CDH23: variants seen among roughly 807,000 people sequenced by gnomAD.
The protein encoded by CDH23 is cadherin-23.
CDH23 carries 189 observed loss-of-function variants against 317.1 expected under a neutral mutation model. That is an observed-to-expected ratio of 0.60 (90% confidence interval 0.53 to 0.67). The LOEUF (loss-of-function observed/expected upper bound fraction) is 0.67. CDH23 is among the 30% of genes least tolerant of loss of function. CDH23 has a pLI of 0.00. For missense variants in CDH23, 4,401 were observed against 4,592.4 expected (o/e 0.96, Z 1.20); for synonymous variants, 1,839 against 1,876.8 (o/e 0.98, Z 0.52).
intron 62 of CDH23, 77 bp from the exon 63 acceptor site, chr10:71,811,238 G>A: frequency 6.2e-7 from 1 of 1,604,884 alleles, no homozygotes; most frequent in East Asian, 2.2e-5. Context: ...TTGGAGGCTT[G>A]AGGCAGGAGC....
At chr10:71,537,277 GC>G (rs1174830540) in intron 6 of CDH23, among the ~76,000 whole-genome samples, 2 of 152,162 alleles carry the variant, frequency 1.3e-5, no homozygotes, top group Admixed American at 6.5e-5. Flanking sequence ...ATGTTTCGGA[GC>G]CAAATCATAA....
At chr10:71,571,131 G>T (rs1421904052) in intron 8 of CDH23, among the ~76,000 whole-genome samples, 1 of 152,194 alleles carries the variant, frequency 6.6e-6, no homozygotes, top group African/African-American at 2.4e-5. Flanking sequence ...TACCCAAGGG[G>T]CTCTGTGTGG....
At chr10:71,673,187 G>A (rs1344355352) in intron 14 of CDH23, among the ~76,000 whole-genome samples, 1 of 152,186 alleles carries the variant, frequency 6.6e-6, no homozygotes, top group Non-Finnish European at 1.5e-5. Flanking sequence ...CACCGTCTGT[G>A]CTGTGCAGTG....
chr10:71,577,748 A>G (rs1393618662), intron 8 of CDH23, among the ~76,000 whole-genome samples, 166 bp from the exon 9 acceptor site: 1 of 152,176 alleles, frequency 6.6e-6, no homozygotes, highest in Non-Finnish European at 1.5e-5. Flanking sequence ...TGGGAACTGC[A>G]GTGTGTGCCC....
At chr10:71,716,513 T>C in intron 28 of CDH23, 2 of 556,360 alleles carry the variant, frequency 3.6e-6, no homozygotes, top group South Asian at 5.2e-5. Flanking sequence ...ATCACAAGTC[T>C]AAGTGTACAC....
In CDH23 at chr10:71,806,244, A is replaced by T; in HGVS notation, c.8141A>T (p.Asp2714Val). 1.9e-6 allele frequency: 3 copies of T among 1,572,212 alleles called. No homozygotes were observed. Among genetic ancestry groups the T allele is most frequent in the Non-Finnish European group, 2.6e-6 (3 of 1,158,844 alleles). The change falls in exon 57 of 70, where the codon GAC (aspartate) becomes GTC (valine). Residue 2714 changes from aspartate (D) to valine (V), a missense_variant. Physicochemically the swap from Asp to Val is radical, Grantham distance 152 (BLOSUM62 -3). This residue lies in a region of CDH23 where 1,144 missense variants were observed against 1,138.2 expected (regional missense o/e 1.01). Transcript: ENST00000224721. The part of the protein sequence containing the change: ...TMQPLQVALE[D>V]IDDNEPLFVR... ...CAGCCGCTGCAGGTGGCCCTGGAGG[A>T]CATCGATGACAACGAACCCCTTTTC...
intron 38 of CDH23, among the ~76,000 whole-genome samples, chr10:71,775,594 A>G (rs1840798949): frequency 6.6e-6 from 1 of 152,180 alleles, no homozygotes; most frequent in Non-Finnish European, 1.5e-5. Context: ...GGAAGGGCTC[A>G]GCTGAGAGGG....
intron 6 of CDH23, among the ~76,000 whole-genome samples, chr10:71,565,258 G>A (rs1320634266): frequency 6.6e-6 from 1 of 152,128 alleles, no homozygotes; most frequent in East Asian, 1.9e-4. Context: ...TTAGCAACAG[G>A]GGAAAGTTCT....
intron 18 of CDH23, among the ~76,000 whole-genome samples, chr10:71,684,227 C>T (rs1017369173): frequency 2.6e-5 from 4 of 152,052 alleles, no homozygotes; most frequent in Non-Finnish European, 5.9e-5. Flanking sequence ...CCCCATGGCC[C>T]GACCCTGACC....
intron 44 of CDH23, among the ~76,000 whole-genome samples, chr10:71,788,693 G>A (rs1166085025): frequency 6.6e-6 from 1 of 152,114 alleles, no homozygotes; most frequent in Non-Finnish European, 1.5e-5. Context: ...CTGACCTCGT[G>A]ATCTGCCCGT....
chr10:71,592,673 C>A (rs1859573410), intron 9 of CDH23, among the ~76,000 whole-genome samples: 2 of 152,234 alleles, frequency 1.3e-5, no homozygotes, highest in African/African-American at 2.4e-5. Context: ...CCATGCTAAT[C>A]TCCCATTGCA....
intron 14 of CDH23, among the ~76,000 whole-genome samples, chr10:71,667,359 A>AGAGAGTGTGT (rs58361666): frequency 1.8e-5 from 2 of 112,116 alleles, no homozygotes; most frequent in African/African-American, 4.0e-5. Context: ...AGAGAGAGAG[A>AGAGAGTGTGT]GTGTGTGTGT....
chr10:71,419,983 C>T (rs894535152), intron 1 of CDH23, among the ~76,000 whole-genome samples: 2 of 152,134 alleles, frequency 1.3e-5, no homozygotes, highest in African/African-American at 2.4e-5. Context: ...GAGTCTGTCC[C>T]GGCTACTGCT....
At chr10:71,703,725 G>A (rs1187430415) in intron 24 of CDH23, among the ~76,000 whole-genome samples, 3 of 152,190 alleles carry the variant, frequency 2.0e-5, no homozygotes, top group Non-Finnish European at 1.5e-5. Context: ...GGAGGTGAAT[G>A]GTGTTCTTTG....
intron 49 of CDH23, 70 bp from the exon 50 acceptor site, chr10:71,798,284 G>A (rs1589427790): frequency 1.6e-6 from 2 of 1,218,900 alleles, no homozygotes; most frequent in East Asian, 4.7e-5. Context: ...GCTTGGCTGA[G>A]GCTAAGGAAG....
At chr10:71,660,063 C>T (rs950759409) in intron 14 of CDH23, among the ~76,000 whole-genome samples, 4 of 146,602 alleles carry the variant, frequency 2.7e-5, no homozygotes, top group Non-Finnish European at 4.5e-5. Context: ...CTGGTTCAAA[C>T]GATTCTCCTG....
intron 14 of CDH23, among the ~76,000 whole-genome samples, chr10:71,658,471 C>T (rs1863511250): frequency 6.6e-6 from 1 of 152,248 alleles, no homozygotes; most frequent in African/African-American, 2.4e-5. Flanking sequence ...GGCCTCACTG[C>T]CTGTCCCGCC....
intron 9 of CDH23, among the ~76,000 whole-genome samples, chr10:71,595,278 C>T (rs1052376267): frequency 1.3e-5 from 2 of 152,176 alleles, no homozygotes; most frequent in South Asian, 2.1e-4. Context: ...CATCCTATTT[C>T]TCTAATTAGT....
chr10:71,773,568 G>C (rs1387984912), intron 38 of CDH23: 2 of 815,586 alleles, frequency 2.5e-6, no homozygotes, highest in Non-Finnish European at 3.6e-6. Context: ...CCGTGCTCCA[G>C]GCACCCGCCC....
Sources: gnomAD v4.1 joint callset for allele counts (sites outside exome capture counted in the v4.1 genomes callset) on GRCh38, gnomAD v4.1.1 for gene constraint, gnomAD v4.1.1 regional missense constraint, MANE v1.5 for transcripts, NCBI Gene and HGNC (gene_info 2026-07-23, HGNC 2026-07-21) for gene names.